GALNTL6: variants seen among roughly 807,000 people sequenced by gnomAD.
GALNTL6 encodes polypeptide N-acetylgalactosaminyltransferase like 6.
GALNTL6 carries 46 observed loss-of-function variants against 73.7 expected under a neutral mutation model. The observed-to-expected ratio is 0.62, with a 90% CI of 0.49 to 0.80. The LOEUF (loss-of-function observed/expected upper bound fraction) is 0.80, where lower values mean the gene tolerates loss of function less well. Among genes scored for constraint, GALNTL6 ranks in the 30% least tolerant of loss-of-function variants. GALNTL6 has a pLI of 0.00. For synonymous variants in GALNTL6, 259 were observed against 263.7 expected (o/e 0.98, Z 0.17); for missense variants, 604 against 755.0 (o/e 0.80, Z 2.34).
At chr4:172,127,014 C>T (rs1482433258) in intron 2 of GALNTL6, among the ~76,000 whole-genome samples, 1 of 152,192 alleles carries the variant, frequency 6.6e-6, no homozygotes, top group Non-Finnish European at 1.5e-5. Flanking sequence ...CAAGGACAAG[C>T]TTACCTGCCC....
intron 2 of GALNTL6, among the ~76,000 whole-genome samples, chr4:171,933,106 C>A (rs1738238449): frequency 6.6e-6 from 1 of 152,088 alleles, no homozygotes; most frequent in African/African-American, 2.4e-5. Context: ...TAACTATGTT[C>A]TTGAGTGATA....
intron 3 of GALNTL6, among the ~76,000 whole-genome samples, chr4:172,287,194 A>C (rs993842334): frequency 6.6e-6 from 1 of 152,182 alleles, no homozygotes; most frequent in African/African-American, 2.4e-5. Context: ...TTAAGAGCTT[A>C]CATTCTCCAA....
intron 2 of GALNTL6, among the ~76,000 whole-genome samples, chr4:171,839,630 T>C (rs1253309072): frequency 6.6e-6 from 1 of 151,508 alleles, no homozygotes; most frequent in Non-Finnish European, 1.5e-5. Context: ...AGTCTACAGA[T>C]TGCTAGACAC....
chr4:172,132,027 T>C (rs1430352814), intron 2 of GALNTL6, among the ~76,000 whole-genome samples: 2 of 151,986 alleles, frequency 1.3e-5, no homozygotes, highest in African/African-American at 4.8e-5. Flanking sequence ...TTGTTTGAAA[T>C]GGATAGAAAA....
chr4:172,285,896 A>G (rs1739227345), intron 3 of GALNTL6, among the ~76,000 whole-genome samples: 1 of 152,200 alleles, frequency 6.6e-6, no homozygotes, highest in Non-Finnish European at 1.5e-5. Flanking sequence ...AACATTTGTC[A>G]AAGTCCCTGA....
intron 2 of GALNTL6, among the ~76,000 whole-genome samples, chr4:172,009,802 G>A (rs767345975): frequency 1.3e-5 from 2 of 152,048 alleles, no homozygotes; most frequent in Non-Finnish European, 2.9e-5. Context: ...AGTTCAAATA[G>A]AGGGTTACAT....
chr4:172,351,447 G>T (rs977635350), intron 5 of GALNTL6, among the ~76,000 whole-genome samples: 1 of 152,042 alleles, frequency 6.6e-6, no homozygotes, highest in South Asian at 2.1e-4. Context: ...TAAATTATAT[G>T]CATGGCCTTA....
intron 2 of GALNTL6, among the ~76,000 whole-genome samples, chr4:171,841,857 A>T (rs989173942): frequency 1.3e-5 from 2 of 152,072 alleles, no homozygotes; most frequent in African/African-American, 4.8e-5. Flanking sequence ...GTCCTCCCAA[A>T]ACTGAGATTT....
intron 5 of GALNTL6, among the ~76,000 whole-genome samples, chr4:172,450,375 G>A (rs1160178626): frequency 1.3e-5 from 2 of 151,490 alleles, no homozygotes; most frequent in Non-Finnish European, 2.9e-5. Context: ...ACTCTATGTG[G>A]TCTATCAACA....
At chr4:172,427,369 A>T (rs1363987436) in intron 5 of GALNTL6, among the ~76,000 whole-genome samples, 1 of 152,084 alleles carries the variant, frequency 6.6e-6, no homozygotes, top group Non-Finnish European at 1.5e-5. Context: ...CATGAGAATT[A>T]TTCTCTATTA....
chr4:172,503,554 T>TATATATATATA, intron 5 of GALNTL6, among the ~76,000 whole-genome samples: 2 of 60,972 alleles, frequency 3.3e-5, no homozygotes, highest in Non-Finnish European at 6.1e-5. Context: ...ATATATGTAT[T>TATATATATATA]AGTTTTTTGT....
chr4:172,511,359 G>A (rs1313108099), intron 5 of GALNTL6, among the ~76,000 whole-genome samples: 1 of 54,578 alleles, frequency 1.8e-5, no homozygotes, highest in African/African-American at 4.5e-5. Context: ...TCTCACTAAC[G>A]GTCTATCAAT....
At chr4:172,301,976 A>G (rs1011577628) in intron 3 of GALNTL6, among the ~76,000 whole-genome samples, 4 of 152,184 alleles carry the variant, frequency 2.6e-5, no homozygotes, top group Admixed American at 2.6e-4. Flanking sequence ...GGTGGAGTCT[A>G]CTGAGGCAGG....
chr4:172,566,405 A>G (rs1057117639), intron 5 of GALNTL6, among the ~76,000 whole-genome samples: 1 of 152,190 alleles, frequency 6.6e-6, no homozygotes, highest in Non-Finnish European at 1.5e-5. Flanking sequence ...AAATTGACAA[A>G]TAAGTGGAAA....
chr4:172,753,110 G>A (rs1423374958), intron 5 of GALNTL6, among the ~76,000 whole-genome samples: 1 of 152,194 alleles, frequency 6.6e-6, no homozygotes, highest in East Asian at 1.9e-4. Context: ...GGGCCAGGTA[G>A]AGATAACTGA....
intron 2 of GALNTL6, among the ~76,000 whole-genome samples, chr4:172,053,902 C>T (rs1176172683): frequency 6.6e-6 from 1 of 151,780 alleles, no homozygotes; most frequent in Non-Finnish European, 1.5e-5. Flanking sequence ...AATATATATC[C>T]ATGGGCCAAA....
intron 2 of GALNTL6, among the ~76,000 whole-genome samples, chr4:171,857,674 A>G (rs1336240322): frequency 6.6e-6 from 1 of 152,196 alleles, no homozygotes; most frequent in Non-Finnish European, 1.5e-5. Context: ...TTGTAAGGTT[A>G]TAGAAGTATT....
intron 2 of GALNTL6, among the ~76,000 whole-genome samples, chr4:172,028,588 T>C (rs996401981): frequency 2.6e-5 from 4 of 152,172 alleles, no homozygotes; most frequent in African/African-American, 9.6e-5. Flanking sequence ...ATGAAATTGC[T>C]AAAAATAAAA....
chr4:173,035,458 A>G (rs1321281882), intron 12 of GALNTL6, among the ~76,000 whole-genome samples: 5 of 152,160 alleles, frequency 3.3e-5, no homozygotes, highest in Non-Finnish European at 7.4e-5. Context: ...GATTACAGGC[A>G]TGAGCCACCG....
Sources: gnomAD v4.1 joint callset for allele counts (sites outside exome capture counted in the v4.1 genomes callset) on GRCh38, gnomAD v4.1.1 for gene constraint, MANE v1.5 for transcripts, NCBI Gene and HGNC (gene_info 2026-07-23, HGNC 2026-07-21) for gene names.